Variants in CASK observed in about 807,000 individuals in gnomAD.
The protein encoded by CASK is calcium/calmodulin dependent serine protein kinase, also known as peripheral plasma membrane protein CASK.
CASK carries 4 observed loss-of-function variants against 82.9 expected under a neutral mutation model. That is an observed-to-expected ratio of 0.05 (90% CI 0.02 to 0.11). CASK has a LOEUF of 0.11. Among genes scored for constraint, CASK ranks in the 10% least tolerant of loss-of-function variants. The pLI is 1.00. For synonymous variants in CASK, 259 were observed against 253.5 expected, an observed-to-expected ratio of 1.02 and a Z score of -0.20; for missense variants, 358 against 720.9, an observed-to-expected ratio of 0.50 and a Z score of 5.76.
At chrX:41,877,860 G>A (rs2071858279) in intron 1 of CASK, among the ~76,000 whole-genome samples, 1 of 111,159 alleles carries the variant, frequency 9.0e-6, no homozygotes, top group African/African-American at 3.3e-5. Flanking sequence ...TATAGACATA[G>A]TGGTGATGGC....
intron 8 of CASK, among the ~76,000 whole-genome samples, chrX:41,653,011 G>A (rs1458477616): frequency 8.9e-6 from 1 of 112,199 alleles, no homozygotes; most frequent in Non-Finnish European, 1.9e-5. Flanking sequence ...ACTGTGGGAT[G>A]TGATACTATA....
intron 11 of CASK, 129 bp from the exon 12 acceptor site, chrX:41,610,154 G>GT: frequency 1.6e-6 from 1 of 634,791 alleles, no homozygotes; most frequent in Non-Finnish European, 2.5e-6. Flanking sequence ...TGTCTTTACT[G>GT]AAGGATAGAC....
intron 5 of CASK, among the ~76,000 whole-genome samples, chrX:41,689,993 A>G (rs948868276): frequency 4.5e-5 from 5 of 111,595 alleles, no homozygotes; most frequent in African/African-American, 1.6e-4. Context: ...CTGCAGGAGT[A>G]GGTGGTGGTG....
At chrX:41,769,076 A>G (rs2069166587) in intron 3 of CASK, among the ~76,000 whole-genome samples, 1 of 111,595 alleles carries the variant, frequency 9.0e-6, no homozygotes, top group Non-Finnish European at 1.9e-5. Flanking sequence ...ACTACGTTAA[A>G]AGAGTTTTAA....
intron 11 of CASK, among the ~76,000 whole-genome samples, chrX:41,612,110 C>T (rs1270182784): frequency 1.8e-5 from 2 of 112,040 alleles, no homozygotes; most frequent in Non-Finnish European, 3.8e-5. Context: ...CAGCCTCTGC[C>T]CGGCCGCCAC....
chrX:41,550,223 C>T (rs186317392), intron 21 of CASK, among the ~76,000 whole-genome samples: 1 of 111,963 alleles, frequency 8.9e-6, no homozygotes, highest in East Asian at 2.8e-4. Context: ...TAATTCCTCC[C>T]TCCCTCCACC....
Position 41,524,188 on chromosome X carries a change from C to T in CASK, c.2521-154G>A, listed in dbSNP as rs749461478. ...TATTATTAAATTTACCAACTTTATA[C>T]ATAACTTATATTACTTTTTTTCTAA... On this transcript the variant is annotated intron_variant, in intron 25 of 26. Transcript: ENST00000378163. The T allele has an allele frequency of 8.5e-5, 39 of 460,602 alleles. 2 individuals are homozygous for T. In the Admixed American group the frequency reaches 9.9e-4, roughly 12 times the overall value. 38.0% of individuals were successfully genotyped at this position (460,602 alleles called of 1,213,427 possible).
At chrX:41,743,056 A>G (rs1271233298) in intron 4 of CASK, among the ~76,000 whole-genome samples, 1 of 112,393 alleles carries the variant, frequency 8.9e-6, no homozygotes, top group Non-Finnish European at 1.9e-5. Flanking sequence ...AGGAGAGACC[A>G]CAAGTCATGT....
At chrX:41,696,875 G>A (rs1355481462) in intron 5 of CASK, 1 of 514,128 alleles carries the variant, frequency 1.9e-6, no homozygotes, top group African/African-American at 2.4e-5. Context: ...ACAAAACTCA[G>A]ATCTCAAAGC....
intron 2 of CASK, chrX:41,790,093 C>G (rs1371413501): frequency 5.2e-6 from 2 of 382,539 alleles, no homozygotes; most frequent in East Asian, 3.1e-4. Flanking sequence ...CTATGCCTGG[C>G]TAATTTTTTG....
At chrX:41,922,233 T>C (rs1251080599) in intron 1 of CASK, among the ~76,000 whole-genome samples, 2 of 111,912 alleles carry the variant, frequency 1.8e-5, no homozygotes, top group Non-Finnish European at 3.8e-5. Context: ...ATTTGGACTG[T>C]CAGTTCTATA....
chrX:41,729,848 C>G (rs190542021), intron 5 of CASK: 1 of 101,309 alleles, frequency 9.9e-6, no homozygotes, highest in East Asian at 3.7e-4. Flanking sequence ...GTAAATCACC[C>G]CAATTTTTTC....
intron 4 of CASK, among the ~76,000 whole-genome samples, chrX:41,741,507 C>T (rs1484515996): frequency 8.9e-6 from 1 of 111,832 alleles, no homozygotes; most frequent in African/African-American, 3.3e-5. Flanking sequence ...GAGACAGCCA[C>T]CTAAATTATC....
intron 15 of CASK, among the ~76,000 whole-genome samples, chrX:41,573,075 CT>C (rs147599527): frequency 0.099 from 8,637 of 87,482 alleles, 299 homozygotes; most frequent in Non-Finnish European, 0.14. Context: ...TTTCTTTTTT[CT>C]TTTTTTTTTT....
chrX:41,669,967 T>C (rs1017601392), intron 6 of CASK, among the ~76,000 whole-genome samples: 1 of 112,002 alleles, frequency 8.9e-6, no homozygotes, highest in Non-Finnish European at 1.9e-5. Flanking sequence ...ACGGTTATCA[T>C]ACGGAAGGAT....
chrX:41,566,492 C>T (rs1171688688), intron 16 of CASK, among the ~76,000 whole-genome samples: 2 of 111,405 alleles, frequency 1.8e-5, no homozygotes, highest in Non-Finnish European at 3.8e-5. Context: ...ACAATTGCTA[C>T]AAAGAGAATA....
intron 5 of CASK, chrX:41,728,194 C>A: frequency 2.8e-6 from 1 of 359,939 alleles, no homozygotes; most frequent in Non-Finnish European, 4.9e-6. Flanking sequence ...ATTCATAAAA[C>A]TCAAAAAACA....
intron 2 of CASK, among the ~76,000 whole-genome samples, chrX:41,851,175 T>C (rs974973315): frequency 1.8e-5 from 2 of 111,953 alleles, no homozygotes; most frequent in African/African-American, 6.5e-5. Context: ...ATCTATACGC[T>C]GTGGTCCTAC....
chrX:41,833,834 G>A (rs776349999), intron 2 of CASK, among the ~76,000 whole-genome samples: 9 of 111,453 alleles, frequency 8.1e-5, no homozygotes, highest in African/African-American at 2.6e-4. Context: ...CTGCAGCCTC[G>A]ACTTCCTGGG....
Sources: allele counts gnomAD v4.1 joint callset (sites outside exome capture counted in the v4.1 genomes callset), GRCh38; gene constraint gnomAD v4.1.1; transcripts MANE v1.5; gene names NCBI Gene and HGNC (gene_info 2026-07-23, HGNC 2026-07-21).